Variants in PPP2R5E observed in about 807,000 individuals in gnomAD.
The protein encoded by PPP2R5E is serine/threonine-protein phosphatase 2A 56 kDa regulatory subunit epsilon isoform.
Under a neutral mutation model 65.3 loss-of-function variants are expected in PPP2R5E, and 4 were observed. That is an observed-to-expected ratio of 0.06 (90% CI 0.03 to 0.14). PPP2R5E has a LOEUF of 0.14. Among genes scored for constraint, PPP2R5E ranks in the 10% least tolerant of loss-of-function variants. The pLI is 1.00. For synonymous variants in PPP2R5E, 183 were observed against 187.4 expected, an observed-to-expected ratio of 0.98 and a Z score of 0.19; for missense variants, 274 against 556.1, an observed-to-expected ratio of 0.49 and a Z score of 5.10.
intron 2 of PPP2R5E, among the ~76,000 whole-genome samples, chr14:63,505,333 A>G (rs1178534572): frequency 2.6e-5 from 4 of 152,230 alleles, no homozygotes; most frequent in Non-Finnish European, 5.9e-5. Context: ...GCTCCAAAAG[A>G]AGTTTCCAAA....
At chr14:63,504,102 C>A (rs994125274) in intron 2 of PPP2R5E, among the ~76,000 whole-genome samples, 2 of 152,140 alleles carry the variant, frequency 1.3e-5, no homozygotes, top group African/African-American at 4.8e-5. Flanking sequence ...TCTTCCCAAT[C>A]AAGAATCAGG....
chr14:63,415,507 A>G (rs559863060), intron 4 of PPP2R5E, among the ~76,000 whole-genome samples: 5 of 152,310 alleles, frequency 3.3e-5, no homozygotes, highest in South Asian at 2.1e-4. Context: ...TTCAATGTAT[A>G]TATTTCCTTC....
chr14:63,415,013 A>T (rs994824653), intron 5 of PPP2R5E, 127 bp downstream of exon 5: 14 of 226,732 alleles, frequency 6.2e-5, no homozygotes, highest in Non-Finnish European at 1.0e-4. Flanking sequence ...ACTTATGTTT[A>T]TATATATATA....
At chr14:63,417,196 T>C (rs867758084) in intron 4 of PPP2R5E, among the ~76,000 whole-genome samples, 9 of 152,204 alleles carry the variant, frequency 5.9e-5, no homozygotes, top group African/African-American at 1.9e-4. Context: ...TGTTGACATG[T>C]TTTATTATAC....
intron 4 of PPP2R5E, among the ~76,000 whole-genome samples, chr14:63,420,587 T>C (rs1343014929): frequency 6.6e-6 from 1 of 152,174 alleles, no homozygotes; most frequent in Non-Finnish European, 1.5e-5. Context: ...CCAAAAGCTC[T>C]CTACGTAACA....
chr14:63,458,933 CA>C (rs1566717570), intron 2 of PPP2R5E, among the ~76,000 whole-genome samples: 1 of 152,054 alleles, frequency 6.6e-6, no homozygotes, highest in Non-Finnish European at 1.5e-5. Flanking sequence ...CCAACTTTCA[CA>C]AAAAATAATA....
chr14:63,397,374 C>T (rs1462906591), intron 5 of PPP2R5E, among the ~76,000 whole-genome samples: 1 of 151,788 alleles, frequency 6.6e-6, no homozygotes, highest in Non-Finnish European at 1.5e-5. Flanking sequence ...TGGTGGCGGG[C>T]ACCTGTAATC....
intron 8 of PPP2R5E, among the ~76,000 whole-genome samples, chr14:63,393,416 G>A (rs897780413): frequency 6.6e-6 from 1 of 152,072 alleles, no homozygotes; most frequent in Non-Finnish European, 1.5e-5. Context: ...TTTCCTTTGG[G>A]AATGAAGGCG....
chr14:63,387,974 C>CA (rs1404220579), intron 11 of PPP2R5E, among the ~76,000 whole-genome samples: 30 of 152,232 alleles, frequency 2.0e-4, no homozygotes, highest in Admixed American at 2.6e-4. Context: ...ATCCTGATCT[C>CA]AAACTTCTGG....
intron 5 of PPP2R5E, among the ~76,000 whole-genome samples, chr14:63,408,152 A>G (rs1886192717): frequency 6.6e-6 from 1 of 152,212 alleles, no homozygotes; most frequent in Non-Finnish European, 1.5e-5. Flanking sequence ...ACTGATGAAT[A>G]TTTCACTATA....
rs1164111323 is a variant in PPP2R5E, at chr14:63,511,319, GAGA to G, written c.157+28207_157+28209del. ...AGAGAACCCCACAAGCCACCATGTG[GAGA>G]AGCCCAGGCTAACCTGCTGGATGAT... On this transcript the variant is annotated intron_variant, in intron 2 of 13. Transcript: ENST00000337537. 1.7e-4 allele frequency among the ~76,000 whole-genome samples: 26 copies of G among 152,176 alleles called. 1 individual carries two copies. Among genetic ancestry groups the G allele is most frequent in the Admixed American group, 1.7e-3 (26 of 15,280 alleles).
At chr14:63,412,957 A>G (rs931705890) in intron 5 of PPP2R5E, among the ~76,000 whole-genome samples, 1 of 152,206 alleles carries the variant, frequency 6.6e-6, no homozygotes, top group Non-Finnish European at 1.5e-5. Context: ...ATACTAAGAA[A>G]TTATTCTGGG....
chr14:63,403,133 A>G (rs1222945059), intron 5 of PPP2R5E, among the ~76,000 whole-genome samples: 1 of 152,184 alleles, frequency 6.6e-6, no homozygotes, highest in Non-Finnish European at 1.5e-5. Flanking sequence ...ATGTCAATAA[A>G]GTATGTAGGC....
intron 3 of PPP2R5E, among the ~76,000 whole-genome samples, chr14:63,447,321 G>A (rs1335336069): frequency 6.6e-6 from 1 of 152,186 alleles, no homozygotes; most frequent in African/African-American, 2.4e-5. Flanking sequence ...AAGTCTTCTG[G>A]ACAACTTGCG....
At chr14:63,502,847 G>C (rs551606315) in intron 2 of PPP2R5E, among the ~76,000 whole-genome samples, 1 of 152,230 alleles carries the variant, frequency 6.6e-6, no homozygotes, top group Non-Finnish European at 1.5e-5. Context: ...CAATAACTAG[G>C]CCGGGTGCAA....
chr14:63,431,399 A>G (rs1887664474), intron 3 of PPP2R5E, among the ~76,000 whole-genome samples: 1 of 152,232 alleles, frequency 6.6e-6, no homozygotes, highest in African/African-American at 2.4e-5. Flanking sequence ...TTAAATATTT[A>G]ACTGTATTTG....
chr14:63,514,874 TCAC>T (rs1298891889), intron 2 of PPP2R5E, among the ~76,000 whole-genome samples: 1 of 152,226 alleles, frequency 6.6e-6, no homozygotes, highest in African/African-American at 2.4e-5. Context: ...GACGATATTA[TCAC>T]CACTTTACAG....
At chr14:63,506,984 GACA>G (rs1488896193) in intron 2 of PPP2R5E, among the ~76,000 whole-genome samples, 4 of 152,088 alleles carry the variant, frequency 2.6e-5, no homozygotes, top group African/African-American at 9.7e-5. Flanking sequence ...TGACACATGC[GACA>G]ACATGGAGGA....
At chr14:63,433,039 T>TG (rs1555359931) in intron 3 of PPP2R5E, among the ~76,000 whole-genome samples, 2 of 139,908 alleles carry the variant, frequency 1.4e-5, no homozygotes, top group Admixed American at 7.0e-5. Flanking sequence ...TTTGTTTTTT[T>TG]TTTTTTTTTT....
Sources: gnomAD v4.1 joint callset for allele counts (sites outside exome capture counted in the v4.1 genomes callset) on GRCh38, gnomAD v4.1.1 for gene constraint, MANE v1.5 for transcripts, NCBI Gene and HGNC (gene_info 2026-07-23, HGNC 2026-07-21) for gene names.